COL14A1: variants seen among roughly 807,000 people sequenced by gnomAD.
COL14A1 encodes collagen alpha-1(XIV) chain.
A neutral mutation model predicts 230.3 loss-of-function variants in COL14A1; 136 were observed. That is an observed-to-expected ratio of 0.59 (90% CI 0.51 to 0.68). The LOEUF (loss-of-function observed/expected upper bound fraction) is 0.68, where lower values mean the gene tolerates loss of function less well. Among genes scored for constraint, COL14A1 ranks in the 30% least tolerant of loss-of-function variants. COL14A1 has a pLI of 0.00. For synonymous variants in COL14A1, 792 were observed against 784.1 expected (o/e 1.01, Z -0.17); for missense variants, 1,976 against 2,215.8 (o/e 0.89, Z 2.17).
At chr8:120,204,628 G>A (rs1817371489) in intron 9 of COL14A1, among the ~76,000 whole-genome samples, 1 of 152,210 alleles carries the variant, frequency 6.6e-6, no homozygotes, top group South Asian at 2.1e-4. Context: ...AAGCTGCTGT[G>A]AATGTTCATG....
intron 20 of COL14A1, among the ~76,000 whole-genome samples, chr8:120,245,229 T>G (rs1313843480): frequency 6.6e-6 from 1 of 152,212 alleles, no homozygotes; most frequent in Non-Finnish European, 1.5e-5. Context: ...TTTTTGGTCA[T>G]ATCATGGCAC....
chr8:120,252,342 T>C (rs1054701865), intron 22 of COL14A1, among the ~76,000 whole-genome samples: 5 of 152,120 alleles, frequency 3.3e-5, no homozygotes, highest in African/African-American at 4.8e-5. Context: ...TCACCCCGCT[T>C]CCAAACCTCC....
chr8:120,213,415 A>G (rs1817667031), intron 13 of COL14A1, among the ~76,000 whole-genome samples: 1 of 152,192 alleles, frequency 6.6e-6, no homozygotes, highest in Admixed American at 6.5e-5. Context: ...TGCCTTTCTC[A>G]TTAAGATTCC....
intron 45 of COL14A1, 103 bp downstream of exon 45, chr8:120,345,666 CTTAAA>C: frequency 2.0e-6 from 2 of 1,010,496 alleles, no homozygotes; most frequent in Non-Finnish European, 2.7e-6. Flanking sequence ...AAACAATGGA[CTTAAA>C]TTAATTCTGC....
chr8:120,258,569 A>G (rs1217630083), intron 23 of COL14A1, among the ~76,000 whole-genome samples: 1 of 152,174 alleles, frequency 6.6e-6, no homozygotes, highest in Non-Finnish European at 1.5e-5. Context: ...AAGAGATTTC[A>G]GATACAAGAC....
rs751141069 is a variant in COL14A1, at chr8:120,203,719, C to T, written c.888C>T (p.Asn296=). The T allele has an allele frequency of 3.7e-6, 6 of 1,613,526 alleles. No individual in the cohort carries two copies. The highest frequency in any genetic ancestry group is 3.3e-5 in the Admixed American group (2 of 59,938). The change falls in exon 9 of 48, where the codon AAC becomes AAT. Residue 296 remains asparagine, a synonymous_variant. Coordinates refer to ENST00000297848, the MANE Select transcript of COL14A1 (RefSeq NM_021110.4). The part of the protein sequence containing the change: ...GVELFAIGVK[N]ADVNELQEIA... The stretch of plus-strand genomic sequence containing the variant: ...TGTCCTCTGTGTAAGGGGTGAAAAA[C>T]GCGGATGTGAATGAGCTGCAGGAGA...
At position 120,216,609 on chromosome 8, in the gene COL14A1, G is replaced by A. The variant is rs73704298; in HGVS notation, c.1737+119G>A. ...AATAATAGTAATTATTTATTGTCTC[G>A]CATAGTTCCTGTATGTAGGTCAGGA... On this transcript the variant is annotated intron_variant, in intron 14 of 47. Coordinates refer to ENST00000297848, the MANE Select transcript of COL14A1 (RefSeq NM_021110.4). 2,441 of 1,069,160 alleles carry A rather than the reference G, an allele frequency of 2.3e-3. 64 individuals carry two copies. The East Asian group carries it at 0.051, about 22-fold the overall frequency. 66.2% of individuals were successfully genotyped at this position (1,069,160 alleles called of 1,614,324 possible).
At chr8:120,153,885 C>T (rs1206764858) in intron 2 of COL14A1, among the ~76,000 whole-genome samples, 1 of 152,120 alleles carries the variant, frequency 6.6e-6, no homozygotes, top group Non-Finnish European at 1.5e-5. Flanking sequence ...GAGTTATTTT[C>T]CATCCTTGCA....
intron 40 of COL14A1, among the ~76,000 whole-genome samples, chr8:120,317,276 C>T (rs1032719027): frequency 8.5e-5 from 13 of 152,174 alleles, no homozygotes; most frequent in African/African-American, 3.1e-4. Context: ...GGTAGCTATA[C>T]TGTTCAAGAA....
At chr8:120,195,009 A>T (rs1816979858) in intron 5 of COL14A1, among the ~76,000 whole-genome samples, 1 of 152,230 alleles carries the variant, frequency 6.6e-6, no homozygotes, top group Non-Finnish European at 1.5e-5. Context: ...AAGAAAGGGA[A>T]TCTGGTGCCA....
chr8:120,300,886 A>T (rs922754153), intron 36 of COL14A1, 68 bp downstream of exon 36: 1 of 1,248,550 alleles, frequency 8.0e-7, no homozygotes, highest in Non-Finnish European at 1.2e-6. Context: ...TGTGTGTCTA[A>T]TATGTGTTGT....
intron 19 of COL14A1, among the ~76,000 whole-genome samples, chr8:120,239,995 T>G (rs1818565271): frequency 3.3e-5 from 5 of 152,108 alleles, no homozygotes. Flanking sequence ...TACTTTGGGT[T>G]GTCTCTAGAT....
At chr8:120,209,012 A>C (rs964768981) in intron 11 of COL14A1, among the ~76,000 whole-genome samples, 1 of 152,224 alleles carries the variant, frequency 6.6e-6, no homozygotes, top group Non-Finnish European at 1.5e-5. Flanking sequence ...TAGAACAATA[A>C]CAGTGTAAAC....
rs375944698 is a variant in COL14A1, at chr8:120,254,955, G to T, written c.2753-285G>T. On this transcript the variant is annotated intron_variant, in intron 22 of 47. Coordinates refer to ENST00000297848, the MANE Select transcript of COL14A1 (RefSeq NM_021110.4). Reference sequence around the variant, plus strand: ...TACAGTGAGATGAGATCATGCCACTGCACTCCAGCCTGGGCTACAGAGCAA... The same window carrying T: ...TACAGTGAGATGAGATCATGCCACTTCACTCCAGCCTGGGCTACAGAGCAA... Among the ~76,000 whole-genome samples the T allele has an allele frequency of 1.3e-4, 20 of 152,248 alleles. No individual in the cohort carries two copies. In the South Asian group the frequency reaches 4.1e-3, roughly 32 times the overall value.
At chr8:120,174,262 A>ATT (rs5894516) in intron 5 of COL14A1, among the ~76,000 whole-genome samples, 10 of 146,382 alleles carry the variant, frequency 6.8e-5, no homozygotes, top group South Asian at 2.2e-4. Context: ...TTGGATTGGC[A>ATT]TTTTTTTTTT....
chr8:120,362,440 C>T (rs993423320), intron 45 of COL14A1, among the ~76,000 whole-genome samples: 5 of 152,140 alleles, frequency 3.3e-5, no homozygotes, highest in African/African-American at 1.2e-4. Flanking sequence ...TTCATTCATC[C>T]ATTGCTTTAA....
At chr8:120,239,916 T>G (rs1343649937) in intron 19 of COL14A1, among the ~76,000 whole-genome samples, 1 of 151,922 alleles carries the variant, frequency 6.6e-6, no homozygotes, top group African/African-American at 2.4e-5. Flanking sequence ...CCTGTTAATT[T>G]GGAAAGAATA....
rs539781647 is a variant in COL14A1 at position 120,229,737 on chromosome 8, A to C, written c.2197+968A>C. Among the ~76,000 whole-genome samples, 6 of 152,258 alleles carry C rather than the reference A, an allele frequency of 3.9e-5. No individual in the cohort carries two copies. In the South Asian group the frequency reaches 1.2e-3, roughly 32 times the overall value. The stretch of plus-strand genomic sequence containing the variant: ...GTTTACAGTCCCACCAACAGTGTAA[A>C]AGTGTTCCTATTTCTCCACATCCTC... On this transcript the variant is annotated intron_variant, in intron 18 of 47. Transcript: ENST00000297848.
Position 120,315,552 on chromosome 8 carries a change from G to C in COL14A1, c.4571G>C (p.Gly1524Ala), listed in dbSNP as rs1252896725. ...QGMPGMPGEK[G>A]EKGDTGLPGP... ...ATTCAGGGAATGCCAGGAGAAAAAG[G>C]AGAGAAAGGAGATACTGGCCTTCCA... The change falls in exon 39 of 48, where the codon GGA (glycine) becomes GCA (alanine). Residue 1524 changes from glycine to alanine, a missense_variant. By Grantham distance (60) the Gly-to-Ala change is moderately conservative. Around this residue, in one of 3 missense-constraint regions of COL14A1, gnomAD observed 1,791 missense variants for 2,019.5 expected, o/e 0.89. Transcript: ENST00000297848. 5 of 1,613,522 alleles carry C rather than the reference G, an allele frequency of 3.1e-6. No individual in the cohort carries two copies. The South Asian group carries it at 4.4e-5, about 14-fold the overall frequency.
Sources: gnomAD v4.1 joint callset for allele counts (sites outside exome capture counted in the v4.1 genomes callset) on GRCh38, gnomAD v4.1.1 for gene constraint, gnomAD v4.1.1 regional missense constraint, MANE v1.5 for transcripts, NCBI Gene and HGNC (gene_info 2026-07-23, HGNC 2026-07-21) for gene names.